Variants in BRD8 observed in about 807,000 individuals in gnomAD.
BRD8 encodes the protein bromodomain containing 8.
A neutral mutation model predicts 143.1 loss-of-function variants in BRD8; 67 were observed. The observed-to-expected ratio is 0.47, with a 90% confidence interval of 0.38 to 0.57. The LOEUF is 0.57. BRD8 is among the 20% of genes least tolerant of loss of function. The pLI is 0.00. For missense variants in BRD8, 1,103 were observed against 1,503.0 expected (o/e 0.73, Z 4.40); for synonymous variants, 505 against 517.1 (o/e 0.98, Z 0.32).
chr5:138,172,521 C>CAAAAAA (rs10547758), intron 2 of BRD8, among the ~76,000 whole-genome samples: 6 of 24,676 alleles, frequency 2.4e-4, no homozygotes, highest in African/African-American at 6.2e-4. Context: ...GACTCCATCT[C>CAAAAAA]AAAAAAAAAA....
chr5:138,140,994 G>T (rs745622936), intron 25 of BRD8, 112 bp from the exon 26 acceptor site: 1 of 1,106,050 alleles, frequency 9.0e-7, no homozygotes, highest in Non-Finnish European at 1.3e-6. Context: ...CAGTAGCAAA[G>T]ATAACAACCC....
rs149716795 is a variant in BRD8 at position 138,170,362 on chromosome 5, G to A, written c.488C>T (p.Thr163Ile). ...CAGCTTACCCTGGTATGCAGCATCTGTAGCCTTCCTCTTTACTTCAGCCTC... is the reference window on the plus strand; with the variant it reads ...CAGCTTACCCTGGTATGCAGCATCTATAGCCTTCCTCTTTACTTCAGCCTC... ...EEEAEVKRKA[T>I]DAAYQARQAV... is the part of the protein sequence containing the mutation. The change falls in exon 7 of 27, where the codon ACA (threonine) becomes ATA (isoleucine). Residue 163 changes from threonine (T) to isoleucine (I), a missense_variant. By Grantham distance (89) the Thr-to-Ile change is moderately conservative. Coordinates refer to ENST00000254900, the MANE Select transcript of BRD8 (RefSeq NM_139199.2). The A allele has an allele frequency of 1.3e-4, 205 of 1,613,228 alleles. No individual in the cohort carries two copies. Among genetic ancestry groups the A allele is most frequent in the Non-Finnish European group, 1.7e-4 (195 of 1,179,266 alleles).
At chr5:138,152,999 T>C (rs1380571090) in intron 20 of BRD8, among the ~76,000 whole-genome samples, 1 of 152,220 alleles carries the variant, frequency 6.6e-6, no homozygotes, top group Non-Finnish European at 1.5e-5. Flanking sequence ...TACAATACAG[T>C]ATAATAGAGA....
intron 22 of BRD8, 74 bp downstream of exon 22, chr5:138,150,671 T>C (rs1040285009): frequency 6.8e-6 from 10 of 1,467,574 alleles, no homozygotes; most frequent in Admixed American, 4.7e-5. Flanking sequence ...AGTTAGCCTA[T>C]GTGCTCTAAC....
chr5:138,141,479 G>A (rs760084290), intron 25 of BRD8, among the ~76,000 whole-genome samples: 11 of 152,146 alleles, frequency 7.2e-5, no homozygotes, highest in Admixed American at 5.2e-4. Flanking sequence ...AAGAGGTTAA[G>A]TACTCACTGA....
intron 6 of BRD8, 94 bp from the exon 7 acceptor site, chr5:138,170,503 G>T: frequency 7.3e-7 from 1 of 1,361,112 alleles, no homozygotes. Flanking sequence ...TGCCAGGCCA[G>T]CACTTTCTGG....
intron 11 of BRD8, 28 bp from the exon 12 acceptor site, chr5:138,165,194 G>A (rs1040626570): frequency 1.9e-6 from 3 of 1,600,008 alleles, no homozygotes; most frequent in Admixed American, 1.8e-5. Flanking sequence ...AGACTATTGA[G>A]GTCACAGAAA....
intron 15 of BRD8, among the ~76,000 whole-genome samples, chr5:138,162,421 C>T (rs982201264): frequency 6.6e-6 from 1 of 151,994 alleles, no homozygotes; most frequent in Non-Finnish European, 1.5e-5. Flanking sequence ...GTCTCGAACT[C>T]CTGGGTTCCA....
chr5:138,150,852 C>A lies in BRD8; in HGVS notation c.3013G>T (p.Asp1005Tyr). 1 of 1,614,242 alleles carries A rather than the reference C, an allele frequency of 6.2e-7. No homozygotes were observed. Among genetic ancestry groups the A allele is most frequent in the Non-Finnish European group, 8.5e-7 (1 of 1,180,044 alleles). ...RETEELSAKG[D>Y]PLVAEKPLGE... ...AGTGGCTTTTCAGCTACTAAGGGGT[C>A]TCCTTTAGCTGAAAGCTCTTCAGTC... The change falls in exon 22 of 27, where the codon GAC becomes TAC. Residue 1005 changes from aspartate to tyrosine, a missense_variant. Around this residue, in one of 7 missense-constraint regions of BRD8, gnomAD observed 369 missense variants for 445.5 expected, o/e 0.83. Coordinates refer to ENST00000254900, the MANE Select transcript of BRD8 (RefSeq NM_139199.2).
At chr5:138,167,267 C>CA (rs1420080815) in intron 9 of BRD8, among the ~76,000 whole-genome samples, 13 of 150,622 alleles carry the variant, frequency 8.6e-5, no homozygotes, top group Admixed American at 2.0e-4. Context: ...GGCTCTGTCT[C>CA]AAAAAAAACA....
intron 2 of BRD8, among the ~76,000 whole-genome samples, chr5:138,176,687 T>C (rs928496476): frequency 1.3e-5 from 2 of 152,176 alleles, no homozygotes; most frequent in African/African-American, 4.8e-5. Flanking sequence ...TAAAATGTTC[T>C]AAAATTAGAT....
intron 2 of BRD8, among the ~76,000 whole-genome samples, chr5:138,174,156 T>TTGTGTGTGTGTGTG (rs56254005): frequency 6.7e-6 from 1 of 149,494 alleles, no homozygotes; most frequent in Non-Finnish European, 1.5e-5. Context: ...CAGTATTCCA[T>TTGTGTGTGTGTGTG]TGTGTGTGTG....
intron 2 of BRD8, among the ~76,000 whole-genome samples, chr5:138,174,187 T>C (rs910992620): frequency 6.6e-6 from 1 of 152,234 alleles, no homozygotes; most frequent in East Asian, 1.9e-4. Flanking sequence ...TGTGTATACA[T>C]ATATATTTTT....
rs114045719 is a variant in BRD8 at position 138,172,024 on chromosome 5, C to A, written c.186+41G>T. 1,830 of 1,534,812 alleles carry A rather than the reference C, an allele frequency of 1.2e-3. 28 individuals carry two copies. In the African/African-American group the frequency reaches 0.022, roughly 18 times the overall value. ...GCCTGGTAGAGAACCTACTTTACAA[C>A]CCAAAGACTGCTCTAAAAGAGCCCT... On this transcript the variant is annotated intron_variant, in intron 3 of 26. Coordinates refer to ENST00000254900, the MANE Select transcript of BRD8 (RefSeq NM_139199.2).
At chr5:138,157,161 G>A (rs777528061) in intron 20 of BRD8, 2 of 1,608,372 alleles carry the variant, frequency 1.2e-6, no homozygotes, top group Non-Finnish European at 1.7e-6. Flanking sequence ...GCTCTATCTT[G>A]TTTACTTTTA....
In BRD8 at chr5:138,142,164, C is replaced by T. The variant is rs530355949; in HGVS notation, c.3438-1282G>A. On this transcript the variant is annotated intron_variant, in intron 25 of 26. Transcript: ENST00000254900. ...GAGAGTGCCCTCTTATCCTTCTGTC[C>T]CTTCTGCCATGTGAGGATACAGCAT... is the stretch of plus-strand genomic sequence containing the variant. Among the ~76,000 whole-genome samples, 3 of 152,230 alleles carry T rather than the reference C, an allele frequency of 2.0e-5. No homozygotes were observed. The East Asian group carries it at 5.8e-4, about 29-fold the overall frequency.
chr5:138,155,172 C>T, intron 20 of BRD8, among the ~76,000 whole-genome samples: 1 of 150,120 alleles, frequency 6.7e-6, no homozygotes, highest in South Asian at 2.2e-4. Context: ...GTTGGCAGGG[C>T]GTGGTGGCTT....
At chr5:138,175,565 C>T (rs895160845) in intron 2 of BRD8, among the ~76,000 whole-genome samples, 14 of 150,298 alleles carry the variant, frequency 9.3e-5, no homozygotes, top group Admixed American at 6.6e-4. Context: ...ATTAGTCAAG[C>T]ATGGTGGCAA....
rs1245473156 is a variant in BRD8 at position 138,166,122 on chromosome 5, AG to A, written c.998-15del. 2.5e-6 allele frequency: 4 copies of A among 1,601,156 alleles called. No individual in the cohort carries two copies. The Admixed American group carries it at 6.7e-5, about 27-fold the overall frequency. ...CGGGTTGACTCACTGAGTAACAGAA[AG>A]AGAAAAGCATCTCAGAAGCTTATTG... On this transcript the variant is annotated splice_polypyrimidine_tract_variant and intron_variant, in intron 10 of 26. Transcript: ENST00000254900.
Sources: allele counts gnomAD v4.1 joint callset (sites outside exome capture counted in the v4.1 genomes callset), GRCh38; gene constraint gnomAD v4.1.1; regional missense constraint gnomAD v4.1.1; transcripts MANE v1.5; gene names NCBI Gene and HGNC (gene_info 2026-07-23, HGNC 2026-07-21).